The following MAPKBP1 variants were observed in gnomAD, a reference collection of about 807,000 sequenced individuals.
The protein encoded by MAPKBP1 is mitogen-activated protein kinase binding protein 1, also known as mitogen-activated protein kinase-binding protein 1.
In MAPKBP1, 71 loss-of-function variants were observed where a neutral mutation model predicts 170.5. The observed-to-expected ratio is 0.42, with a 90% CI of 0.34 to 0.51. MAPKBP1 has a LOEUF of 0.51. MAPKBP1 is among the 20% of genes least tolerant of loss of function. The pLI is 0.06. For missense variants in MAPKBP1, 1,598 were observed against 1,933.0 expected (o/e 0.83, Z 3.25); for synonymous variants, 719 against 757.9 (o/e 0.95, Z 0.84).
At position 41,818,416 on chromosome 15, in the gene MAPKBP1, C is replaced by G; in HGVS notation, c.2093-103C>G. On this transcript the variant is annotated intron_variant, in intron 18 of 30. Coordinates refer to ENST00000457542, the MANE Select transcript of MAPKBP1 (RefSeq NM_014994.3). The surrounding 1 kb of genome is among the most constrained non-coding windows in gnomAD (Gnocchi z 5.2). ...AGTTTCTTGGGACCCGCAGAGCTAC[C>G]TATCCCTACCCTGCAGCCAACCCCC... 5 of 1,406,452 alleles carry G rather than the reference C, an allele frequency of 3.6e-6. No individual in the cohort carries two copies. Among genetic ancestry groups the G allele is most frequent in the Non-Finnish European group, 4.0e-6 (4 of 1,001,870 alleles). 87.1% of individuals were successfully genotyped at this position (1,406,452 alleles called of 1,614,324 possible).
At chr15:41,804,833 G>T (rs1423109940) in intron 3 of MAPKBP1, among the ~76,000 whole-genome samples, 1 of 152,216 alleles carries the variant, frequency 6.6e-6, no homozygotes, top group African/African-American at 2.4e-5. Context: ...CTTAGAACTT[G>T]AAGTTGTCTG....
At chr15:41,797,049 T>C in intron 2 of MAPKBP1, among the ~76,000 whole-genome samples, 1 of 152,218 alleles carries the variant, frequency 6.6e-6, no homozygotes, top group East Asian at 1.9e-4. Flanking sequence ...ATGTGTTTCT[T>C]ACTGTGGGTC....
rs1555451492 is a variant in MAPKBP1, at chr15:41,808,106, T to TTTC, written c.207-2775_207-2774insCTT. ...TCTTATAATTTTCTTTCTTTCTTTC[T>TTTC]TTTTTTTTTTTTTTTTTGTAGACCT... On this transcript the variant is annotated intron_variant, in intron 3 of 30. Coordinates refer to ENST00000457542, the MANE Select transcript of MAPKBP1 (RefSeq NM_014994.3). Among the ~76,000 whole-genome samples, 4 of 20,612 alleles carry TTTC rather than the reference T, an allele frequency of 1.9e-4. No homozygotes were observed. The Admixed American group carries it at 3.2e-3, about 16-fold the overall frequency. 13.5% of individuals were successfully genotyped at this position (20,612 alleles called of 152,430 possible).
At position 41,820,999 on chromosome 15, in the gene MAPKBP1, G is replaced by C; in HGVS notation, c.2649G>C (p.Ser883=). 6.2e-7 allele frequency: 1 copy of C among 1,614,166 alleles called. No homozygotes were observed. The highest frequency in any genetic ancestry group is 8.5e-7 in the Non-Finnish European group (1 of 1,180,018). ...APSLQDPSQD[S]LAIIPSGPRK... The stretch of plus-strand genomic sequence containing the variant: ...GCCTGCAGGACCCTAGCCAGGACTC[G>C]CTGGCCATCATCCCATCTGGTCCCA... The change falls in exon 23 of 31, where the codon TCG becomes TCC. Residue 883 remains serine (S), a synonymous_variant. Coordinates refer to ENST00000457542, the MANE Select transcript of MAPKBP1 (RefSeq NM_014994.3).
chr15:41,782,394 G>A (rs1372873883), intron 2 of MAPKBP1, among the ~76,000 whole-genome samples: 1 of 152,152 alleles, frequency 6.6e-6, no homozygotes, highest in Admixed American at 6.5e-5. Flanking sequence ...CAATGGTAAG[G>A]TATTGGCAGT....
At chr15:41,779,008 T>C (rs755051291) in intron 2 of MAPKBP1, among the ~76,000 whole-genome samples, 1 of 152,244 alleles carries the variant, frequency 6.6e-6, no homozygotes, top group African/African-American at 2.4e-5. Flanking sequence ...TGTGTTTTTT[T>C]AATTGTAAAT....
chr15:41,810,833 T>TG lies in MAPKBP1; in HGVS notation c.207-45dup, dbSNP rs2064792187. On this transcript the variant is annotated intron_variant, in intron 3 of 30. Coordinates refer to ENST00000457542, the MANE Select transcript of MAPKBP1 (RefSeq NM_014994.3). The stretch of plus-strand genomic sequence containing the variant: ...AGTCCTGGGTGGCCTGGAGGGCTCC[T>TG]GGGGGAGCTGTGGTTTGCTGCTGAG... 5 of 1,577,646 alleles carry TG rather than the reference T, an allele frequency of 3.2e-6. No individual in the cohort carries two copies. The African/African-American group carries it at 5.4e-5, about 17-fold the overall frequency.
Position 41,822,929 on chromosome 15 carries a change from C to T in MAPKBP1, c.3315-10C>T. ...TTCTCTGGGCCTTCTCCCACATGTT[C>T]TCCCTGTAGGGAACCATCCCCATCC... On this transcript the variant is annotated splice_polypyrimidine_tract_variant and intron_variant, in intron 27 of 30. Coordinates refer to ENST00000457542, the MANE Select transcript of MAPKBP1 (RefSeq NM_014994.3). 1 of 1,592,130 alleles carries T rather than the reference C, an allele frequency of 6.3e-7. No individual in the cohort carries two copies.
At chr15:41,786,689 C>T (rs1472864283) in intron 2 of MAPKBP1, among the ~76,000 whole-genome samples, 4 of 145,012 alleles carry the variant, frequency 2.8e-5, no homozygotes, top group East Asian at 4.0e-4. Flanking sequence ...GACATGAACC[C>T]GGAAGGCAGA....
rs763363819 is a variant in MAPKBP1 at position 41,815,301 on chromosome 15, C to G, written c.1213C>G (p.Pro405Ala). The G allele has an allele frequency of 3.7e-6, 6 of 1,614,224 alleles. No homozygotes were observed. The Admixed American group carries it at 1.0e-4, about 27-fold the overall frequency. ...GGATAGTAACCAGGCCTGCCTGCCC[C>G]CCAGTTCCTTTATTACCTGCTCCTC... is the stretch of plus-strand genomic sequence containing the variant. Reference protein sequence around the residue: ...VKDSNQACLPPSSFITCSSDN... With the variant: ...VKDSNQACLPASSFITCSSDN... Residue 405 changes from proline to alanine, a missense_variant, in exon 11 of 31, where the codon CCC becomes GCC. This residue lies in a region of MAPKBP1 where 430 missense variants were observed against 617.2 expected (regional missense o/e 0.70). Coordinates refer to ENST00000457542, the MANE Select transcript of MAPKBP1 (RefSeq NM_014994.3).
intron 9 of MAPKBP1, 119 bp downstream of exon 9, chr15:41,813,900 C>A (rs527674248): frequency 1.6e-5 from 19 of 1,179,494 alleles, no homozygotes; most frequent in Middle Eastern, 2.1e-4. Context: ...ATTGGGAACA[C>A]CTCTTTAGAC....
chr15:41,780,484 G>T (rs2064167360), intron 2 of MAPKBP1, among the ~76,000 whole-genome samples: 1 of 152,184 alleles, frequency 6.6e-6, no homozygotes, highest in Non-Finnish European at 1.5e-5. Flanking sequence ...CATCCTCAGA[G>T]TATCCGTTGG....
chr15:41,794,353 T>C (rs1186597213), intron 2 of MAPKBP1, among the ~76,000 whole-genome samples: 1 of 152,228 alleles, frequency 6.6e-6, no homozygotes, highest in African/African-American at 2.4e-5. Flanking sequence ...ATGTGAGTTA[T>C]AGAAGGATGT....
intron 12 of MAPKBP1, 150 bp from the exon 13 acceptor site, chr15:41,816,409 T>C: frequency 1.7e-6 from 1 of 597,136 alleles, no homozygotes; most frequent in South Asian, 2.1e-5. Flanking sequence ...GTAAGGGAAA[T>C]ATAGACGCTC....
rs1241108889 is a variant in MAPKBP1 at position 41,798,249 on chromosome 15, CAA to C, written c.115-1553_115-1552del. Among the ~76,000 whole-genome samples, 216 of 56,930 alleles carry C rather than the reference CAA, an allele frequency of 3.8e-3. 1 individual carries two copies. The highest frequency in any genetic ancestry group is 4.5e-3 in the Admixed American group (20 of 4,424). The allele number at this position is 56,930 out of a possible 152,430, so 37.3% of individuals were successfully genotyped here. A position where few individuals can be genotyped will look rare whatever the true frequency, so the allele number is the denominator to read the frequency against. ...TGGGTGACAGAGTGAGACTCTGTCT[CAA>C]AAAAAAAAAAAAAAAAAAAATCTAA... is the stretch of plus-strand genomic sequence containing the variant. On this transcript the variant is annotated intron_variant, in intron 2 of 30. Transcript: ENST00000457542.
chr15:41,785,643 G>A (rs759885818), intron 2 of MAPKBP1, among the ~76,000 whole-genome samples: 4 of 152,056 alleles, frequency 2.6e-5, no homozygotes, highest in Non-Finnish European at 2.9e-5. Context: ...AAAATGTGAC[G>A]TGTGTTAATT....
Position 41,816,975 on chromosome 15 carries a change from TA to T in MAPKBP1, c.1652del (p.Tyr551SerfsTer28). 1 of 1,611,360 alleles carries T rather than the reference TA, an allele frequency of 6.2e-7. No individual in the cohort carries two copies. The highest frequency in any genetic ancestry group is 8.5e-7 in the Non-Finnish European group (1 of 1,178,310). On this transcript the variant is annotated frameshift_variant, in exon 14 of 31. Transcript: ENST00000457542. LOFTEE classifies it high-confidence loss of function. ...CCATGTGCTGGATGCCGGGCGGGAG[TA>T]CAGCCTACAGCAGACGCTGGACGAA... ...LIHVLDAGRE[Y>X]SLQQTLDEHS...
In MAPKBP1 at chr15:41,825,738, A is replaced by G. The variant is rs771718249; in HGVS notation, c.*302A>G. 3.1e-5 allele frequency: 10 copies of G among 324,630 alleles called. No individual in the cohort carries two copies. The highest frequency in any genetic ancestry group is 5.7e-5 in the Non-Finnish European group (10 of 175,338). The allele number at this position is 324,630 out of a possible 1,614,324, so 20.1% of individuals were successfully genotyped here. On this transcript the variant is annotated 3_prime_UTR_variant, in exon 31 of 31. Coordinates refer to ENST00000457542, the MANE Select transcript of MAPKBP1 (RefSeq NM_014994.3). ...GGAGGGCAGCCTGCCCCATCTAGGA[A>G]TCTGGGAAGGGCTGGCCCTCTCTTA...
At chr15:41,805,447 G>A (rs542634240) in intron 3 of MAPKBP1, among the ~76,000 whole-genome samples, 2 of 152,350 alleles carry the variant, frequency 1.3e-5, no homozygotes, top group East Asian at 1.9e-4. Flanking sequence ...CTGAGAATGG[G>A]TTTCTCCTGG....
Sources: gnomAD v4.1 joint callset for allele counts (sites outside exome capture counted in the v4.1 genomes callset) on GRCh38, gnomAD v4.1.1 for gene constraint, gnomAD v4.1.1 regional missense constraint, Gnocchi (gnomAD v3.1) non-coding constraint, MANE v1.5 for transcripts, NCBI Gene and HGNC (gene_info 2026-07-23, HGNC 2026-07-21) for gene names.